RCAN2: variants seen among roughly 807,000 people sequenced by gnomAD.
RCAN2 encodes the protein regulator of calcineurin 2, also known as calcipressin-2.
A neutral mutation model predicts 23.6 loss-of-function variants in RCAN2; 9 were observed. That is an observed-to-expected ratio of 0.38 (90% confidence interval 0.23 to 0.67). The LOEUF (loss-of-function observed/expected upper bound fraction) is 0.67, where lower values mean the gene tolerates loss of function less well. RCAN2 is among the 30% of genes least tolerant of loss of function. The pLI is 0.51. For missense variants in RCAN2, 273 were observed against 302.3 expected, an observed-to-expected ratio of 0.90 and a Z score of 0.72; for synonymous variants, 109 against 115.7, an observed-to-expected ratio of 0.94 and a Z score of 0.37.
chr6:46,367,717 CAT>C (rs1765214425), intron 2 of RCAN2, among the ~76,000 whole-genome samples: 2 of 152,182 alleles, frequency 1.3e-5, no homozygotes, highest in Non-Finnish European at 1.5e-5. Context: ...CTTTGAAACA[CAT>C]ATAATCTCAG....
chr6:46,469,905 C>T (rs1768509740), intron 1 of RCAN2, among the ~76,000 whole-genome samples: 1 of 152,110 alleles, frequency 6.6e-6, no homozygotes, highest in Non-Finnish European at 1.5e-5. Context: ...CACAGAATTC[C>T]TCCCTTGTGG....
intron 2 of RCAN2, among the ~76,000 whole-genome samples, chr6:46,453,335 G>A (rs1767933343): frequency 6.6e-6 from 1 of 152,102 alleles, no homozygotes; most frequent in Non-Finnish European, 1.5e-5. Context: ...CTCCAGCTCC[G>A]GTTCTCCTTT....
chr6:46,355,507 T>C (rs1435412384), intron 2 of RCAN2, among the ~76,000 whole-genome samples: 1 of 152,178 alleles, frequency 6.6e-6, no homozygotes, highest in African/African-American at 2.4e-5. Flanking sequence ...ATAATGTCTA[T>C]GTCCGTTCTC....
At chr6:46,404,039 T>C (rs1414255394) in intron 2 of RCAN2, among the ~76,000 whole-genome samples, 1 of 152,120 alleles carries the variant, frequency 6.6e-6, no homozygotes, top group Non-Finnish European at 1.5e-5. Flanking sequence ...CTGGCCAACA[T>C]GGTGAAATCC....
At chr6:46,471,990 T>C (rs1039482049) in intron 1 of RCAN2, among the ~76,000 whole-genome samples, 1 of 152,180 alleles carries the variant, frequency 6.6e-6, no homozygotes, top group Non-Finnish European at 1.5e-5. Flanking sequence ...GACTTGCACC[T>C]GGTGGAATTC....
At chr6:46,327,958 T>G (rs1457071673) in intron 2 of RCAN2, among the ~76,000 whole-genome samples, 1 of 152,214 alleles carries the variant, frequency 6.6e-6, no homozygotes, top group Non-Finnish European at 1.5e-5. Context: ...AAAGTCCACG[T>G]GTGCCCAGAG....
intron 2 of RCAN2, among the ~76,000 whole-genome samples, chr6:46,307,455 G>T (rs1299876732): frequency 1.3e-5 from 2 of 152,074 alleles, no homozygotes; most frequent in African/African-American, 4.8e-5. Context: ...GTTAAGAGAG[G>T]CAGGGGGTCA....
At chr6:46,414,815 C>T (rs1039620231) in intron 2 of RCAN2, among the ~76,000 whole-genome samples, 1 of 152,136 alleles carries the variant, frequency 6.6e-6, no homozygotes, top group Non-Finnish European at 1.5e-5. Flanking sequence ...TATGTGCACA[C>T]ATATATATAT....
At chr6:46,468,709 G>A (rs1768463623) in intron 1 of RCAN2, 1 of 610,344 alleles carries the variant, frequency 1.6e-6, no homozygotes, top group African/African-American at 2.0e-5. Flanking sequence ...GAGACAAATG[G>A]AATGTAATAC....
intron 2 of RCAN2, among the ~76,000 whole-genome samples, chr6:46,431,147 G>A (rs1767188005): frequency 6.6e-6 from 1 of 151,996 alleles, no homozygotes; most frequent in Admixed American, 6.6e-5. Flanking sequence ...GTCTGTGTGT[G>A]TGTGTGTTTC....
intron 2 of RCAN2, among the ~76,000 whole-genome samples, chr6:46,332,227 C>T (rs953154296): frequency 6.6e-6 from 1 of 152,066 alleles, no homozygotes; most frequent in Non-Finnish European, 1.5e-5. Context: ...CAGCTTCTAT[C>T]CCTGTGATCA....
At chr6:46,472,621 A>G (rs1582230740) in intron 1 of RCAN2, among the ~76,000 whole-genome samples, 1 of 152,144 alleles carries the variant, frequency 6.6e-6, no homozygotes, top group Middle Eastern at 3.2e-3. Context: ...CTGTACTGTA[A>G]TTGTGTAGCT....
chr6:46,469,997 A>G lies in RCAN2; in HGVS notation c.-2-13019T>C, dbSNP rs1247547947. Among the ~76,000 whole-genome samples, 3 of 152,174 alleles carry G rather than the reference A, an allele frequency of 2.0e-5. No homozygotes were observed. In the East Asian group the frequency reaches 5.8e-4, roughly 29 times the overall value. ...CGAACCTCGATCTTGGACTTCCTTG[A>G]TCTTGGACACCTTGATCTTAGACTT... On this transcript the variant is annotated intron_variant, in intron 1 of 4. Coordinates refer to ENST00000371374, the MANE Select transcript of RCAN2 (RefSeq NM_001251974.2).
intron 2 of RCAN2, among the ~76,000 whole-genome samples, chr6:46,454,430 G>A (rs1360445143): frequency 6.6e-6 from 1 of 151,936 alleles, no homozygotes; most frequent in Non-Finnish European, 1.5e-5. Context: ...TCTGGTATCT[G>A]ATTATCTTGT....
At chr6:46,320,298 G>T (rs1408133285) in intron 2 of RCAN2, among the ~76,000 whole-genome samples, 1 of 152,128 alleles carries the variant, frequency 6.6e-6, no homozygotes, top group African/African-American at 2.4e-5. Context: ...TCCTGAACAA[G>T]TGACACATAC....
intron 4 of RCAN2, among the ~76,000 whole-genome samples, chr6:46,228,551 T>C (rs9688950): frequency 0.013 from 2,000 of 152,274 alleles, 36 homozygotes; most frequent in African/African-American, 0.046. Context: ...TATCTTTTGG[T>C]CTTTGTTGGT....
At chr6:46,223,617 T>C (rs779677713) in intron 4 of RCAN2, among the ~76,000 whole-genome samples, 1 of 152,208 alleles carries the variant, frequency 6.6e-6, no homozygotes, top group Non-Finnish European at 1.5e-5. Flanking sequence ...GACTTGGCAG[T>C]TAGTCGTATT....
chr6:46,336,760 T>C (rs573466080), intron 2 of RCAN2, among the ~76,000 whole-genome samples: 25 of 152,246 alleles, frequency 1.6e-4, no homozygotes, highest in African/African-American at 4.6e-4. Context: ...GGATTGTAAA[T>C]GTTGGTGACT....
chr6:46,438,894 T>C (rs969767705), intron 2 of RCAN2, among the ~76,000 whole-genome samples: 1 of 152,186 alleles, frequency 6.6e-6, no homozygotes, highest in Non-Finnish European at 1.5e-5. Context: ...GGCTGATTGA[T>C]TGATTGCTGC....
Sources: allele counts gnomAD v4.1 joint callset (sites outside exome capture counted in the v4.1 genomes callset), GRCh38; gene constraint gnomAD v4.1.1; transcripts MANE v1.5; gene names NCBI Gene and HGNC (gene_info 2026-07-23, HGNC 2026-07-21).